The following H2BN1 variants were observed in gnomAD, a reference collection of about 807,000 sequenced individuals.
H2BN1 encodes H2B.N variant histone 1.
chr17:32,905,000 T>A, the H2BN1 span, among the ~76,000 whole-genome samples: 140 of 151,988 alleles, frequency 9.2e-4, 2 homozygotes, highest in Admixed American at 2.2e-3. Flanking sequence ...GGAGAAAAAA[T>A]TAAGACCAGC....
chr17:32,904,097 T>C, the H2BN1 span, among the ~76,000 whole-genome samples: 2 of 152,190 alleles, frequency 1.3e-5, no homozygotes, highest in East Asian at 3.8e-4. Flanking sequence ...GTTGGAGATT[T>C]CCCTGTGGGG....
At chr17:32,904,300 C>A in the H2BN1 span, among the ~76,000 whole-genome samples, 11 of 152,190 alleles carry the variant, frequency 7.2e-5, no homozygotes, top group Admixed American at 1.3e-4. Context: ...ATTGAGATTA[C>A]TTTTGGGAGA....
the H2BN1 span, among the ~76,000 whole-genome samples, chr17:32,900,784 C>T: frequency 1.3e-5 from 2 of 152,060 alleles, no homozygotes; most frequent in African/African-American, 4.8e-5. Context: ...AGTTTTACCA[C>T]GTTAGCCAGG....
At chr17:32,896,895 A>G in the H2BN1 span, among the ~76,000 whole-genome samples, 1 of 152,204 alleles carries the variant, frequency 6.6e-6, no homozygotes, top group Non-Finnish European at 1.5e-5. Flanking sequence ...CCCCTGCTCT[A>G]GAGCCTGTAG....
chr17:32,902,927 C>T, the H2BN1 span, among the ~76,000 whole-genome samples: 1 of 151,920 alleles, frequency 6.6e-6, no homozygotes, highest in Admixed American at 6.6e-5. Flanking sequence ...CAAATTTTGA[C>T]ACCTTTATAG....
At chr17:32,899,446 T>C in the H2BN1 span, among the ~76,000 whole-genome samples, 1 of 152,170 alleles carries the variant, frequency 6.6e-6, no homozygotes, top group Non-Finnish European at 1.5e-5. Flanking sequence ...GCTGAAGACC[T>C]GTACAGGGAC....
chr17:32,904,967 A>G, the H2BN1 span, among the ~76,000 whole-genome samples: 1 of 152,204 alleles, frequency 6.6e-6, no homozygotes, highest in Admixed American at 6.5e-5. Flanking sequence ...AAACCCAACA[A>G]TATGATCACT....
At chr17:32,903,738 T>A in the H2BN1 span, among the ~76,000 whole-genome samples, 1 of 152,236 alleles carries the variant, frequency 6.6e-6, no homozygotes, top group African/African-American at 2.4e-5. Context: ...TGTAAGTGTG[T>A]ACAAGGACCA....
the H2BN1 span, among the ~76,000 whole-genome samples, chr17:32,902,853 G>T: frequency 2.0e-5 from 3 of 146,508 alleles, no homozygotes; most frequent in African/African-American, 7.6e-5. Context: ...AAAAAAAAAA[G>T]AAATTACACA....
At chr17:32,906,570 G>A in the H2BN1 span, 5 of 152,180 alleles carry the variant, frequency 3.3e-5, no homozygotes, top group South Asian at 1.0e-3. Flanking sequence ...TAAAGGAAAG[G>A]CATTTTCTCT....
chr17:32,904,152 G>A, the H2BN1 span, among the ~76,000 whole-genome samples: 1 of 152,106 alleles, frequency 6.6e-6, no homozygotes, highest in Non-Finnish European at 1.5e-5. Context: ...CTCCCACAAG[G>A]CCCCCGGTCA....
At chr17:32,896,253 A>G in the H2BN1 span, among the ~76,000 whole-genome samples, 3 of 152,160 alleles carry the variant, frequency 2.0e-5, no homozygotes, top group Admixed American at 6.6e-5. Context: ...TTTCTTGTAA[A>G]GCGGATATTT....
At chr17:32,900,398 T>C in the H2BN1 span, among the ~76,000 whole-genome samples, 2 of 152,228 alleles carry the variant, frequency 1.3e-5, no homozygotes, top group Non-Finnish European at 2.9e-5. Context: ...ACAAAATTTA[T>C]AATTTGATTT....
the H2BN1 span, among the ~76,000 whole-genome samples, chr17:32,897,479 G>A: frequency 6.6e-6 from 1 of 152,072 alleles, no homozygotes; most frequent in Admixed American, 6.6e-5. Context: ...AGAGCGTTGG[G>A]TAAATGATTC....
chr17:32,895,457 C>T, the H2BN1 span, among the ~76,000 whole-genome samples: 2 of 152,090 alleles, frequency 1.3e-5, no homozygotes, highest in African/African-American at 4.8e-5. Flanking sequence ...CTTAAATGAC[C>T]TAAGATTCCC....
At chr17:32,902,735 G>T in the H2BN1 span, among the ~76,000 whole-genome samples, 4 of 152,034 alleles carry the variant, frequency 2.6e-5, no homozygotes, top group Admixed American at 2.6e-4. Flanking sequence ...AGCTACTCAG[G>T]AGGCTGAGGC....
At chr17:32,896,982 G>T in the H2BN1 span, among the ~76,000 whole-genome samples, 1 of 152,172 alleles carries the variant, frequency 6.6e-6, no homozygotes, top group Non-Finnish European at 1.5e-5. Flanking sequence ...CCTCTAATTA[G>T]TCTTTCTTTG....
At chr17:32,903,414 G>A in the H2BN1 span, among the ~76,000 whole-genome samples, 686 of 152,076 alleles carry the variant, frequency 4.5e-3, 9 homozygotes, top group African/African-American at 0.015. Flanking sequence ...AATTTACATC[G>A]TAAGTTATGG....
the H2BN1 span, among the ~76,000 whole-genome samples, chr17:32,897,007 G>C: frequency 6.6e-6 from 1 of 152,168 alleles, no homozygotes; most frequent in Admixed American, 6.5e-5. Flanking sequence ...GTTCTTAACT[G>C]TGTGGGCCTG....
Sources: gnomAD v4.1 joint callset for allele counts (sites outside exome capture counted in the v4.1 genomes callset) on GRCh38, gnomAD v4.1.1 for gene constraint, MANE v1.5 for transcripts, NCBI Gene and HGNC (gene_info 2026-07-23, HGNC 2026-07-21) for gene names.